The following USP20 variants were observed in gnomAD, a reference collection of about 807,000 sequenced individuals.
USP20 encodes the protein ubiquitin specific peptidase 20, also known as ubiquitin carboxyl-terminal hydrolase 20.
In USP20, 80 loss-of-function variants were observed where a neutral mutation model predicts 124.2. The observed-to-expected ratio is 0.64, with a 90% CI of 0.54 to 0.78. The LOEUF is 0.78. Ranked by LOEUF, USP20 falls within the 30% of genes least tolerant of loss-of-function variation. The pLI, the probability that USP20 is intolerant of heterozygous loss-of-function variation, is 0.00. For missense variants in USP20, 1,043 were observed against 1,244.4 expected (o/e 0.84, Z 2.44); for synonymous variants, 481 against 512.3 (o/e 0.94, Z 0.83).
intron 21 of USP20, 134 bp from the exon 22 acceptor site, chr9:129,875,996 A>T: frequency 1.3e-6 from 1 of 769,190 alleles, no homozygotes; most frequent in South Asian, 1.8e-5. Flanking sequence ...TGGTGCTCAC[A>T]CAGAGGTGCA....
At chr9:129,870,189 G>A (rs990368185) in intron 14 of USP20, 13 of 567,366 alleles carry the variant, frequency 2.3e-5, no homozygotes, top group East Asian at 3.0e-5. Flanking sequence ...CCAGAGACCC[G>A]CATGACCCCA....
chr9:129,836,972 GA>G (rs1404002499), intron 1 of USP20, among the ~76,000 whole-genome samples: 6 of 144,522 alleles, frequency 4.2e-5, no homozygotes, highest in Non-Finnish European at 9.4e-5. Context: ...CACTACTAAG[GA>G]AAGGGCAAGA....
intron 19 of USP20, 64 bp from the exon 20 acceptor site, chr9:129,875,246 C>A: frequency 6.7e-7 from 1 of 1,491,872 alleles, no homozygotes; most frequent in Non-Finnish European, 9.0e-7. Context: ...GGGATGGGGG[C>A]TCTGCATGTG....
At chr9:129,856,277 G>A in intron 3 of USP20, 30 bp from the exon 4 acceptor site, 1 of 1,611,862 alleles carries the variant, frequency 6.2e-7, no homozygotes, top group South Asian at 1.1e-5. Context: ...CCTCATGCCT[G>A]CTCTTTTTCT....
Position 129,881,529 on chromosome 9 carries a change from G to C in USP20, c.*1079G>C, listed in dbSNP as rs189115848. The C allele has an allele frequency of 1.3e-4, 20 of 152,416 alleles. No individual in the cohort carries two copies. The highest frequency in any genetic ancestry group is 4.6e-4 in the African/African-American group (19 of 41,598). The allele number at this position is 152,416 out of a possible 1,614,324, so 9.4% of individuals were successfully genotyped here. ...GGGACCAGACCCCCCACACTACTGC[G>C]TCTTTGTTTCTATCAGTCTTTGTAG... On this transcript the variant is annotated 3_prime_UTR_variant, in exon 26 of 26. Transcript: ENST00000372429.
intron 15 of USP20, among the ~76,000 whole-genome samples, chr9:129,871,704 G>GT (rs1257033878): frequency 5.3e-5 from 8 of 151,820 alleles, no homozygotes; most frequent in East Asian, 3.8e-4. Flanking sequence ...CTCATTGTGC[G>GT]TTTTTTTTGT....
intron 10 of USP20, among the ~76,000 whole-genome samples, chr9:129,866,323 G>T (rs2033819221): frequency 6.6e-6 from 1 of 152,186 alleles, no homozygotes; most frequent in Non-Finnish European, 1.5e-5. Flanking sequence ...CTCTCTTTTT[G>T]GGGAGTGATA....
chr9:129,842,950 T>G (rs1423570380), intron 1 of USP20, among the ~76,000 whole-genome samples: 2 of 152,088 alleles, frequency 1.3e-5, no homozygotes, highest in African/African-American at 4.8e-5. Context: ...TTTTCCTTCA[T>G]AGAAATGATT....
At chr9:129,862,195 T>C (rs1341472612) in intron 8 of USP20, among the ~76,000 whole-genome samples, 1 of 152,172 alleles carries the variant, frequency 6.6e-6, no homozygotes, top group Non-Finnish European at 1.5e-5. Context: ...TGGAAGGCTA[T>C]GTCCCAAAAT....
chr9:129,869,492 CTGGG>C, intron 13 of USP20, 67 bp downstream of exon 13: 2 of 1,564,138 alleles, frequency 1.3e-6, no homozygotes, highest in Non-Finnish European at 1.8e-6. Flanking sequence ...CTTGCCCTGA[CTGGG>C]TGCAGGGTGG....
At chr9:129,877,936 G>A (rs1299736101) in intron 22 of USP20, among the ~76,000 whole-genome samples, 1 of 152,048 alleles carries the variant, frequency 6.6e-6, no homozygotes, top group African/African-American at 2.4e-5. Flanking sequence ...TAGCCAGGTG[G>A]TGGCACACAC....
intron 8 of USP20, among the ~76,000 whole-genome samples, chr9:129,862,461 G>A (rs969547325): frequency 4.0e-5 from 6 of 151,778 alleles, no homozygotes; most frequent in Non-Finnish European, 8.8e-5. Context: ...GCTGAGGCAG[G>A]AGAATCGCTT....
chr9:129,876,218 G>A lies in USP20; in HGVS notation c.2389G>A (p.Glu797Lys), dbSNP rs774009853. 3.1e-6 allele frequency: 5 copies of A among 1,612,640 alleles called. No individual in the cohort carries two copies. The highest frequency in any genetic ancestry group is 1.1e-5 in the South Asian group (1 of 90,942). ...GGCACTGGCCAAGCGCAGGAGGATC[G>A]AGATCGACACCTTCATCAAGGTGCG... ...IEALAKRRRIEIDTFIKLNKA... is the reference protein window; with the variant it reads ...IEALAKRRRIKIDTFIKLNKA... Residue 797 changes from glutamate (E) to lysine (K), a missense_variant, in exon 22 of 26, where the codon GAG (glutamate) becomes AAG (lysine). By Grantham distance (56) the Glu-to-Lys change is moderately conservative (BLOSUM62 1). Coordinates refer to ENST00000372429, the MANE Select transcript of USP20 (RefSeq NM_001110303.4).
At chr9:129,870,573 G>T (rs567975897) in intron 15 of USP20, 26 bp downstream of exon 15, 2 of 1,613,040 alleles carry the variant, frequency 1.2e-6, no homozygotes, top group South Asian at 2.2e-5. Context: ...GGCAAGGGTC[G>T]GGGAGGTGGA....
intron 8 of USP20, among the ~76,000 whole-genome samples, chr9:129,862,368 A>G (rs1274878331): frequency 6.6e-6 from 1 of 152,032 alleles, no homozygotes; most frequent in East Asian, 1.9e-4. Flanking sequence ...TCTGGCTAAC[A>G]TGGTGAAACC....
intron 1 of USP20, among the ~76,000 whole-genome samples, chr9:129,841,190 C>A (rs72755260): frequency 0.057 from 8,741 of 152,262 alleles, 582 homozygotes; most frequent in African/African-American, 0.16. Context: ...GGAGGCTAGA[C>A]GTCTCAGATC....
chr9:129,840,093 C>T (rs376769314), intron 1 of USP20, among the ~76,000 whole-genome samples: 2 of 151,116 alleles, frequency 1.3e-5, no homozygotes, highest in African/African-American at 4.8e-5. Flanking sequence ...GCCGGGAGGG[C>T]GGGGCACACG....
chr9:129,857,832 A>C (rs2033293375), intron 4 of USP20, among the ~76,000 whole-genome samples: 2 of 152,212 alleles, frequency 1.3e-5, no homozygotes, highest in African/African-American at 4.8e-5. Flanking sequence ...CGTCTCACTC[A>C]GAGGGCAGGG....
At chr9:129,854,631 CAAAT>C (rs563612879) in intron 3 of USP20, among the ~76,000 whole-genome samples, 83 of 108,728 alleles carry the variant, frequency 7.6e-4, no homozygotes, top group Admixed American at 7.4e-3. Context: ...TTTTATAAAT[CAAAT>C]AACTGAAATG....
Sources: allele counts gnomAD v4.1 joint callset (sites outside exome capture counted in the v4.1 genomes callset), GRCh38; gene constraint gnomAD v4.1.1; transcripts MANE v1.5; gene names NCBI Gene and HGNC (gene_info 2026-07-23, HGNC 2026-07-21).